Variants in DAB2IP observed in about 807,000 individuals in gnomAD.
DAB2IP encodes the protein DAB2 interacting protein, also known as disabled homolog 2-interacting protein.
A neutral mutation model predicts 107.2 loss-of-function variants in DAB2IP; 28 were observed. That is an observed-to-expected ratio of 0.26 (90% CI 0.19 to 0.36). The LOEUF (loss-of-function observed/expected upper bound fraction) is 0.36. Ranked by LOEUF, DAB2IP falls within the 10% of genes least tolerant of loss-of-function variation. The pLI is 1.00. For synonymous variants in DAB2IP, 755 were observed against 706.4 expected (o/e 1.07, Z -1.09); for missense variants, 1,400 against 1,644.7 (o/e 0.85, Z 2.57).
chr9:121,704,435 C>T (rs1451632777), intron 3 of DAB2IP, among the ~76,000 whole-genome samples: 1 of 152,150 alleles, frequency 6.6e-6, no homozygotes, highest in Non-Finnish European at 1.5e-5. Context: ...ATAGTGCTTT[C>T]CTGAGTTTCA....
chr9:121,600,918 C>G (rs1202279343), intron 1 of DAB2IP, among the ~76,000 whole-genome samples: 2 of 152,202 alleles, frequency 1.3e-5, no homozygotes, highest in East Asian at 3.9e-4. Flanking sequence ...ACCCTGGAGC[C>G]TGTGCCCTCT....
chr9:121,724,502 G>T (rs1415238410), intron 3 of DAB2IP, among the ~76,000 whole-genome samples: 1 of 152,188 alleles, frequency 6.6e-6, no homozygotes, highest in Admixed American at 6.5e-5. Context: ...GAGTTCACCT[G>T]ATGTTGTTAC....
chr9:121,751,311 A>C (rs1336547640), intron 3 of DAB2IP: 1 of 156,406 alleles, frequency 6.4e-6, no homozygotes, highest in Non-Finnish European at 1.4e-5. Context: ...CTTGCTATGC[A>C]TGTGATCTTG....
intron 2 of DAB2IP, among the ~76,000 whole-genome samples, chr9:121,695,821 T>C (rs150785026): frequency 7.1e-4 from 108 of 152,378 alleles, no homozygotes; most frequent in Non-Finnish European, 1.4e-3. Flanking sequence ...GAGCACTTAC[T>C]GTCGGCTACA....
At chr9:121,571,180 A>G (rs547732070) in intron 1 of DAB2IP, among the ~76,000 whole-genome samples, 17 of 151,844 alleles carry the variant, frequency 1.1e-4, no homozygotes, top group Non-Finnish European at 2.4e-4. Flanking sequence ...TGTTCCCCCA[A>G]TGCATCACTC....
intron 3 of DAB2IP, among the ~76,000 whole-genome samples, chr9:121,729,085 A>G (rs143403262): frequency 6.6e-6 from 1 of 152,310 alleles, no homozygotes; most frequent in Non-Finnish European, 1.5e-5. Flanking sequence ...GCTTCCTCCC[A>G]GGTACTTGAC....
chr9:121,679,577 A>C (rs1389958097), intron 2 of DAB2IP, among the ~76,000 whole-genome samples: 2 of 152,048 alleles, frequency 1.3e-5, no homozygotes, highest in African/African-American at 4.8e-5. Flanking sequence ...CACGGAGCTC[A>C]GGTCTGTAGG....
At position 121,699,267 on chromosome 9, in the gene DAB2IP, CCCG is replaced by C. The variant is rs1829621063; in HGVS notation, c.229-47_229-45del. Reference sequence around the variant, plus strand: ...GGTGCGGGTCCCGCGCGGGTCCCGGCCCGCCGCCGCCGCGCTAACCCCGCCTCC... The same window carrying C: ...GGTGCGGGTCCCGCGCGGGTCCCGGCCCGCCGCCGCGCTAACCCCGCCTCC... On this transcript the variant is annotated intron_variant, in intron 2 of 15. Transcript: ENST00000408936. This position sits in a 1 kb window ranked among gnomAD's most constrained non-coding sequence, Gnocchi z 6.2. 109 of 1,269,902 alleles carry C rather than the reference CCCG, an allele frequency of 8.6e-5. No individual in the cohort carries two copies. The highest frequency in any genetic ancestry group is 5.1e-4 in the South Asian group (28 of 54,768). 78.7% of individuals were successfully genotyped at this position (1,269,902 alleles called of 1,614,324 possible).
At chr9:121,587,018 C>A (rs7868171) in intron 1 of DAB2IP, among the ~76,000 whole-genome samples, 1 of 152,138 alleles carries the variant, frequency 6.6e-6, no homozygotes, top group African/African-American at 2.4e-5. Context: ...GCACAGGCAG[C>A]GGGGGTGTCA....
In DAB2IP at chr9:121,670,321, A is replaced by G. The variant is rs146693924; in HGVS notation, c.125-8357A>G. Among the ~76,000 whole-genome samples, 3 of 152,372 alleles carry G rather than the reference A, an allele frequency of 2.0e-5. No individual in the cohort carries two copies. In the East Asian group the frequency reaches 5.8e-4, roughly 29 times the overall value. ...TTTGTTTTCTATGACTGCTGTAACA[A>G]GTTAAAACTTAGCGGCTTAAACAAC... On this transcript the variant is annotated intron_variant, in intron 1 of 15. Transcript: ENST00000408936.
intron 3 of DAB2IP, among the ~76,000 whole-genome samples, chr9:121,750,277 C>G (rs1169817120): frequency 6.6e-6 from 1 of 152,242 alleles, no homozygotes; most frequent in Non-Finnish European, 1.5e-5. Flanking sequence ...TGTCCTCCTG[C>G]CCGCTCGCAG....
chr9:121,700,273 A>G (rs1458721183), intron 3 of DAB2IP, among the ~76,000 whole-genome samples: 2 of 152,190 alleles, frequency 1.3e-5, no homozygotes, highest in Admixed American at 1.3e-4. Flanking sequence ...GACGCTGGCC[A>G]GGGAGCAGGC....
rs1175812478 is a variant in DAB2IP at position 121,702,578 on chromosome 9, C to T, written c.362+3120C>T. Reference sequence around the variant, plus strand: ...GATCATTTCTCCTGGGTAACAAACACATGCTGCTTGGAGCGCTTTCCAGGT... The same window carrying T: ...GATCATTTCTCCTGGGTAACAAACATATGCTGCTTGGAGCGCTTTCCAGGT... On this transcript the variant is annotated intron_variant, in intron 3 of 15. Coordinates refer to ENST00000408936, the Ensembl canonical transcript of DAB2IP. This position sits in a 1 kb window ranked among gnomAD's most constrained non-coding sequence, Gnocchi z 4.5. Among the ~76,000 whole-genome samples, 1 of 152,184 alleles carries T rather than the reference C, an allele frequency of 6.6e-6. No individual in the cohort carries two copies. The highest frequency in any genetic ancestry group is 2.4e-5 in the African/African-American group (1 of 41,456).
intron 1 of DAB2IP, among the ~76,000 whole-genome samples, chr9:121,671,489 G>T (rs1005478999): frequency 4.6e-5 from 7 of 152,238 alleles, no homozygotes; most frequent in African/African-American, 1.7e-4. Context: ...GGAATTAAGA[G>T]TGTGGACTTC....
At chr9:121,675,323 G>C (rs928846851) in intron 1 of DAB2IP, among the ~76,000 whole-genome samples, 1 of 152,150 alleles carries the variant, frequency 6.6e-6, no homozygotes, top group Non-Finnish European at 1.5e-5. Context: ...TTCCTGCATC[G>C]TGGCAGGTAC....
chr9:121,605,495 A>T (rs1490820420), intron 1 of DAB2IP, among the ~76,000 whole-genome samples: 1 of 151,670 alleles, frequency 6.6e-6, no homozygotes, highest in African/African-American at 2.4e-5. Context: ...CTGCTTCTTT[A>T]GAATTATTGT....
chr9:121,783,698 C>T (rs1835817481), exon 16 of DAB2IP: 1 of 1,046,852 alleles, frequency 9.6e-7, no homozygotes, highest in Admixed American at 1.8e-5. Flanking sequence ...TGTGGCCGGC[C>T]TCCTCCTCAC....
rs1828736185 is a variant in DAB2IP at position 121,684,114 on chromosome 9, C to T, written c.228+5333C>T. On this transcript the variant is annotated intron_variant, in intron 2 of 15. Transcript: ENST00000408936. This position sits in a 1 kb window ranked among gnomAD's most constrained non-coding sequence, Gnocchi z 4.0. ...TCCTGTAGCCTCCCTGCACCCTCCC[C>T]ATGTTTCAGCTGTCTTTCTGTCACA... is the stretch of plus-strand genomic sequence containing the variant. Among the ~76,000 whole-genome samples, 1 of 152,142 alleles carries T rather than the reference C, an allele frequency of 6.6e-6. No homozygotes were observed. Among genetic ancestry groups the T allele is most frequent in the South Asian group, 2.1e-4 (1 of 4,830 alleles).
intron 1 of DAB2IP, among the ~76,000 whole-genome samples, chr9:121,570,517 A>G (rs1486715785): frequency 6.6e-6 from 1 of 151,868 alleles, no homozygotes; most frequent in Non-Finnish European, 1.5e-5. Context: ...ATATGACTTG[A>G]GGATGGGAGG....
Sources: gnomAD v4.1 joint callset for allele counts (sites outside exome capture counted in the v4.1 genomes callset) on GRCh38, gnomAD v4.1.1 for gene constraint, Gnocchi (gnomAD v3.1) non-coding constraint, MANE v1.5 for transcripts, NCBI Gene and HGNC (gene_info 2026-07-23, HGNC 2026-07-21) for gene names.